TTLL13: variants seen among roughly 807,000 people sequenced by gnomAD.
TTLL13 encodes the protein tubulin tyrosine ligase like 13.
At chr15:90,256,633 CCTTCCTT>C in the TTLL13 span, among the ~76,000 whole-genome samples, 99 of 76,512 alleles carry the variant, frequency 1.3e-3, 1 homozygote, top group African/African-American at 5.8e-3. Flanking sequence ...TTCCTTCCTT[CCTTCCTT>C]CTTTCTTTCT....
chr15:90,249,841 TCTTAGCCATCGGGTGC>T, the TTLL13 span: 1 of 152,088 alleles, frequency 6.6e-6, no homozygotes, highest in Non-Finnish European at 1.5e-5. Context: ...GCCCAAAGGG[TCTTAGCCATCGGGTGC>T]CTGTCCCTAG....
the TTLL13 span, chr15:90,250,961 G>T: frequency 6.5e-7 from 1 of 1,537,060 alleles, no homozygotes; most frequent in East Asian, 2.3e-5. Context: ...AACATCTGGA[G>T]GAGCTGGGAT....
At chr15:90,258,528 T>C in the TTLL13 span, 7 of 613,616 alleles carry the variant, frequency 1.1e-5, no homozygotes, top group South Asian at 1.2e-4. Flanking sequence ...AGGGACACAC[T>C]ATCTAGAGAG....
the TTLL13 span, chr15:90,249,852 G>A: frequency 6.6e-6 from 1 of 152,258 alleles, no homozygotes; most frequent in Non-Finnish European, 1.5e-5. Context: ...CTTAGCCATC[G>A]GGTGCCTGTC....
the TTLL13 span, chr15:90,258,313 C>T: frequency 6.4e-7 from 1 of 1,555,814 alleles, no homozygotes; most frequent in Non-Finnish European, 8.9e-7. Flanking sequence ...GGTCCAGAGG[C>T]CTCCTTGAAT....
At chr15:90,252,043 C>CTTTTTTTTTTTTTTT in the TTLL13 span, among the ~76,000 whole-genome samples, 3 of 133,480 alleles carry the variant, frequency 2.2e-5, no homozygotes, top group Non-Finnish European at 3.2e-5. Flanking sequence ...TCACCTAATT[C>CTTTTTTTTTTTTTTT]TTTTTTTTTT....
chr15:90,250,921 C>T, the TTLL13 span: 57 of 1,601,028 alleles, frequency 3.6e-5, no homozygotes, highest in African/African-American at 7.1e-4. Context: ...AACTGCCCAG[C>T]TCCAGGGAGT....
At chr15:90,257,418 G>C in the TTLL13 span, 1 of 1,317,584 alleles carries the variant, frequency 7.6e-7, no homozygotes, top group Non-Finnish European at 1.0e-6. Context: ...ATCTAGCTGG[G>C]AGGCAAGTGT....
chr15:90,251,544 T>A, the TTLL13 span: 1 of 1,613,712 alleles, frequency 6.2e-7, no homozygotes, highest in Non-Finnish European at 8.5e-7. Flanking sequence ...ATGCTATTCC[T>A]CCATTCCAGA....
the TTLL13 span, among the ~76,000 whole-genome samples, chr15:90,251,939 A>G: frequency 6.6e-6 from 1 of 152,000 alleles, no homozygotes; most frequent in Admixed American, 6.6e-5. Flanking sequence ...CAGTATTGCA[A>G]TCATAGCTTA....
chr15:90,256,994 T>G, the TTLL13 span: 12 of 792,546 alleles, frequency 1.5e-5, no homozygotes, highest in Non-Finnish European at 2.1e-5. Context: ...CCTCTCCTCA[T>G]TTATTAAGTG....
At chr15:90,262,624 C>T in the TTLL13 span, 1 of 1,521,932 alleles carries the variant, frequency 6.6e-7, no homozygotes, top group Admixed American at 2.1e-5. Flanking sequence ...GGCTCCAGAG[C>T]CTTTCCACCC....
the TTLL13 span, chr15:90,256,335 C>T: frequency 6.2e-7 from 1 of 1,612,906 alleles, no homozygotes; most frequent in South Asian, 1.1e-5. Flanking sequence ...TTCCCTAGTC[C>T]CCAGCACTGG....
the TTLL13 span, among the ~76,000 whole-genome samples, chr15:90,259,896 T>C: frequency 6.6e-6 from 1 of 152,246 alleles, no homozygotes; most frequent in Non-Finnish European, 1.5e-5. Flanking sequence ...TACATACAAA[T>C]GAATTTCAGT....
chr15:90,262,465 CTGTCTGAAGCTGCTG>C, the TTLL13 span: 2 of 1,450,598 alleles, frequency 1.4e-6, no homozygotes, highest in Non-Finnish European at 1.8e-6. Flanking sequence ...CATTTCTCTA[CTGTCTGAAGCTGCTG>C]TGTCTTGTCA....
chr15:90,251,578 C>G, the TTLL13 span: 1 of 1,614,054 alleles, frequency 6.2e-7, no homozygotes, highest in South Asian at 1.1e-5. Context: ...ACCTGACCAA[C>G]TGCAAGTATG....
At chr15:90,264,162 G>T in the TTLL13 span, 1 of 699,556 alleles carries the variant, frequency 1.4e-6, no homozygotes. Context: ...TTCCACCAGT[G>T]TAAGAATGGG....
chr15:90,252,065 G>C, the TTLL13 span, among the ~76,000 whole-genome samples: 1 of 87,506 alleles, frequency 1.1e-5, no homozygotes, highest in Non-Finnish European at 2.5e-5. Context: ...TTGAGACCGA[G>C]TTTTGCTCTT....
the TTLL13 span, chr15:90,258,172 G>A: frequency 6.2e-7 from 1 of 1,614,240 alleles, no homozygotes; most frequent in African/African-American, 1.3e-5. Context: ...TACCGAACCT[G>A]TTTTCCCCAG....
Sources: gnomAD v4.1 joint callset for allele counts (sites outside exome capture counted in the v4.1 genomes callset) on GRCh38, gnomAD v4.1.1 for gene constraint, MANE v1.5 for transcripts, NCBI Gene and HGNC (gene_info 2026-07-23, HGNC 2026-07-21) for gene names.